KIF16B: variants seen among roughly 807,000 people sequenced by gnomAD.
The protein encoded by KIF16B is kinesin family member 16B.
In KIF16B, 98 loss-of-function variants were observed where a neutral mutation model predicts 156.3. The observed-to-expected ratio is 0.63, with a 90% CI of 0.53 to 0.74. KIF16B has a LOEUF of 0.74. KIF16B is among the 30% of genes least tolerant of loss of function. The pLI is 0.00. For synonymous variants in KIF16B, 564 were observed against 583.7 expected (o/e 0.97, Z 0.49); for missense variants, 1,421 against 1,606.5 (o/e 0.88, Z 1.97).
chr20:16,330,448 G>C (rs1460495487), intron 24 of KIF16B, among the ~76,000 whole-genome samples: 2 of 152,196 alleles, frequency 1.3e-5, no homozygotes, highest in Non-Finnish European at 2.9e-5. Context: ...ATTCTTTACT[G>C]ATCTTGGTTT....
intron 1 of KIF16B, among the ~76,000 whole-genome samples, chr20:16,541,781 C>CACCG (rs1388110524): frequency 6.6e-6 from 1 of 152,238 alleles, no homozygotes. Context: ...GGAGCTGCAG[C>CACCG]ACCGACCCAT....
intron 1 of KIF16B, 57 bp from the exon 2 acceptor site, chr20:16,528,497 C>G: frequency 1.6e-6 from 2 of 1,221,684 alleles, no homozygotes; most frequent in Non-Finnish European, 2.4e-6. Context: ...AAAAACAAAA[C>G]AAAACTAAAC....
At chr20:16,567,416 C>T (rs1276348666) in intron 1 of KIF16B, among the ~76,000 whole-genome samples, 2 of 152,184 alleles carry the variant, frequency 1.3e-5, no homozygotes, top group East Asian at 3.8e-4. Flanking sequence ...CCTAGAGGTT[C>T]CATCTCAACC....
In KIF16B at chr20:16,272,452, ATACT is replaced by A. The variant is rs2062998366; in HGVS notation, c.*797_*800del. 1 of 152,656 alleles carries A rather than the reference ATACT, an allele frequency of 6.6e-6. No individual in the cohort carries two copies. The highest frequency in any genetic ancestry group is 2.4e-5 in the African/African-American group (1 of 41,482). 9.5% of individuals were successfully genotyped at this position (152,656 alleles called of 1,614,324 possible). A position where few individuals can be genotyped will look rare whatever the true frequency, so the allele number is the denominator to read the frequency against. On this transcript the variant is annotated 3_prime_UTR_variant, in exon 26 of 26. Coordinates refer to ENST00000354981, the MANE Select transcript of KIF16B (RefSeq NM_024704.5). ...GATTCTGTAACAAAAAATGTGAATA[ATACT>A]TAAAAATATGCATTTAGCTTTGCGT...
intron 12 of KIF16B, among the ~76,000 whole-genome samples, chr20:16,461,716 AC>A (rs1422087136): frequency 5.3e-5 from 8 of 152,334 alleles, no homozygotes; most frequent in Admixed American, 2.6e-4. Flanking sequence ...AATTTTAGTG[AC>A]CTAGGTTATT....
intron 12 of KIF16B, among the ~76,000 whole-genome samples, chr20:16,485,423 C>T (rs1780118910): frequency 6.6e-6 from 1 of 152,286 alleles, no homozygotes; most frequent in South Asian, 2.1e-4. Context: ...ATTCATGGAA[C>T]ACTTCCTATT....
chr20:16,384,840 T>C (rs191754956), intron 17 of KIF16B, among the ~76,000 whole-genome samples: 18 of 152,196 alleles, frequency 1.2e-4, no homozygotes, highest in Admixed American at 5.2e-4. Context: ...ACATTTCTCT[T>C]ACAGACTGTT....
chr20:16,572,793 C>A (rs544906493), intron 1 of KIF16B, among the ~76,000 whole-genome samples: 2 of 152,202 alleles, frequency 1.3e-5, no homozygotes, highest in African/African-American at 4.8e-5. Context: ...GAATCAAAAT[C>A]ATCTCTAACT....
chr20:16,404,792 G>C, intron 17 of KIF16B, 21 bp downstream of exon 17: 1 of 1,548,144 alleles, frequency 6.5e-7, no homozygotes, highest in Non-Finnish European at 8.9e-7. Flanking sequence ...CACAGGGAAG[G>C]AGATGCTGCT....
intron 12 of KIF16B, among the ~76,000 whole-genome samples, chr20:16,444,873 A>C (rs548620349): frequency 6.6e-6 from 1 of 152,340 alleles, no homozygotes; most frequent in East Asian, 1.9e-4. Flanking sequence ...TCTCATTTAC[A>C]TGTCAGAAAC....
intron 25 of KIF16B, among the ~76,000 whole-genome samples, chr20:16,298,959 G>C (rs889185620): frequency 1.3e-5 from 2 of 151,784 alleles, no homozygotes; most frequent in Admixed American, 6.6e-5. Context: ...CCAGAAAGAC[G>C]TATCAACCAA....
chr20:16,497,594 A>G lies in KIF16B; in HGVS notation c.1242+19T>C. On this transcript the variant is annotated intron_variant, in intron 11 of 25. Coordinates refer to ENST00000354981, the MANE Select transcript of KIF16B (RefSeq NM_024704.5). ...AGTAAAAGTTATGATTTAAAAATAT[A>G]AGTCAAAGTATCACTTACTCTTGCT... is the stretch of plus-strand genomic sequence containing the variant. 6.4e-7 allele frequency: 1 copy of G among 1,570,714 alleles called. No homozygotes were observed. Among genetic ancestry groups the G allele is most frequent in the Non-Finnish European group, 8.8e-7 (1 of 1,142,814 alleles).
intron 1 of KIF16B, among the ~76,000 whole-genome samples, chr20:16,556,683 C>T (rs2070862244): frequency 6.6e-6 from 1 of 152,178 alleles, no homozygotes; most frequent in South Asian, 2.1e-4. Context: ...GCCCACAGAC[C>T]TCCCTGCACC....
At chr20:16,331,963 G>A (rs2063955856) in intron 24 of KIF16B, among the ~76,000 whole-genome samples, 2 of 152,112 alleles carry the variant, frequency 1.3e-5, no homozygotes, top group Admixed American at 1.3e-4. Context: ...ACTATGTGAA[G>A]CTGAGCTGCA....
At position 16,460,138 on chromosome 20, in the gene KIF16B, A is replaced by C. The variant is rs191777737; in HGVS notation, c.1303-30156T>G. ...CACATATTATAGTAACATGCTTTTAAGATAAATAGAAAATGCTGCAAAGAA... is the reference window on the plus strand; with the variant it reads ...CACATATTATAGTAACATGCTTTTACGATAAATAGAAAATGCTGCAAAGAA... On this transcript the variant is annotated intron_variant, in intron 12 of 25. Transcript: ENST00000354981. Among the ~76,000 whole-genome samples, 239 of 152,374 alleles carry C rather than the reference A, an allele frequency of 1.6e-3. 1 individual carries two copies. Among genetic ancestry groups the C allele is most frequent in the African/African-American group, 4.1e-3 (169 of 41,596 alleles).
chr20:16,320,536 C>T (rs66839904), intron 24 of KIF16B, among the ~76,000 whole-genome samples: 5,446 of 152,134 alleles, frequency 0.036, 109 homozygotes, highest in African/African-American at 0.045. Context: ...CAGATTAGCA[C>T]GCAGCACACA....
intron 12 of KIF16B, among the ~76,000 whole-genome samples, chr20:16,448,899 A>G (rs1002226217): frequency 6.6e-6 from 1 of 151,932 alleles, no homozygotes; most frequent in South Asian, 2.1e-4. Flanking sequence ...AGAGAGAGAG[A>G]GAGGGAGGAA....
chr20:16,277,737 T>C (rs972555215), intron 25 of KIF16B, among the ~76,000 whole-genome samples: 2 of 152,124 alleles, frequency 1.3e-5, no homozygotes, highest in Non-Finnish European at 2.9e-5. Flanking sequence ...TGAAGGATAT[T>C]AGGAGTTTAA....
chr20:16,338,819 T>G (rs1388732529), intron 23 of KIF16B, among the ~76,000 whole-genome samples: 1 of 152,210 alleles, frequency 6.6e-6, no homozygotes, highest in Non-Finnish European at 1.5e-5. Flanking sequence ...TTTCCAATTC[T>G]GTGCACTCTT....
Sources: allele counts gnomAD v4.1 joint callset (sites outside exome capture counted in the v4.1 genomes callset), GRCh38; gene constraint gnomAD v4.1.1; transcripts MANE v1.5; gene names NCBI Gene and HGNC (gene_info 2026-07-23, HGNC 2026-07-21).